Variants in ULK2 observed in about 807,000 individuals in gnomAD.
The protein encoded by ULK2 is serine/threonine-protein kinase ULK2.
A neutral mutation model predicts 127.5 loss-of-function variants in ULK2; 76 were observed. The observed-to-expected ratio is 0.60, with a 90% confidence interval of 0.50 to 0.72. ULK2 has a LOEUF of 0.72. Among genes scored for constraint, ULK2 ranks in the 30% least tolerant of loss-of-function variants. The pLI, the probability that ULK2 is intolerant of heterozygous loss-of-function variation, is 0.00. For missense variants in ULK2, 1,144 were observed against 1,295.9 expected (o/e 0.88, Z 1.80); for synonymous variants, 452 against 461.9 (o/e 0.98, Z 0.28).
chr17:19,822,217 C>T lies in ULK2; in HGVS notation c.924+2877G>A, dbSNP rs374893936. On this transcript the variant is annotated intron_variant, in intron 12 of 26. Transcript: ENST00000395544. ...GCCAGGCAGGTCTCAAACTCCTAAT[C>T]TCAAGCGATCCACCCACCTTGGTCT... Among the ~76,000 whole-genome samples, 40 of 151,980 alleles carry T rather than the reference C, an allele frequency of 2.6e-4. No homozygotes were observed. The South Asian group carries it at 7.9e-3, about 30-fold the overall frequency.
intron 13 of ULK2, among the ~76,000 whole-genome samples, chr17:19,811,943 C>T (rs759670214): frequency 6.6e-6 from 1 of 151,916 alleles, no homozygotes; most frequent in Non-Finnish European, 1.5e-5. Context: ...ATAGAGGCAA[C>T]GGGACAGAAA....
intron 9 of ULK2, 55 bp downstream of exon 9, chr17:19,841,434 A>G: frequency 6.8e-7 from 1 of 1,480,712 alleles, no homozygotes; most frequent in Non-Finnish European, 9.2e-7. Context: ...AAACAGTTCA[A>G]ATAAACAACA....
intron 20 of ULK2, among the ~76,000 whole-genome samples, chr17:19,790,934 G>A (rs1396940051): frequency 6.6e-6 from 1 of 151,998 alleles, no homozygotes; most frequent in Non-Finnish European, 1.5e-5. Flanking sequence ...TAATGACGAA[G>A]GGGTCAATTC....
intron 18 of ULK2, 104 bp downstream of exon 18, chr17:19,797,292 G>A (rs2087292616): frequency 7.8e-7 from 1 of 1,289,594 alleles, no homozygotes; most frequent in Non-Finnish European, 1.0e-6. Flanking sequence ...GCAAGACTCT[G>A]TCTCAAAAAA....
rs2087130246 is a variant in ULK2 at position 19,790,574 on chromosome 17, A to G, written c.2102-4488T>C. Among the ~76,000 whole-genome samples, 4 of 152,186 alleles carry G rather than the reference A, an allele frequency of 2.6e-5. No individual in the cohort carries two copies. The South Asian group carries it at 8.3e-4, about 31-fold the overall frequency. On this transcript the variant is annotated intron_variant, in intron 20 of 26. Transcript: ENST00000395544. ...AAATCACCTTCACTAAAAGCAAGAA[A>G]GAGGGAGGGAAGAAGGAAGGAAGGA...
At chr17:19,835,068 C>T (rs1290657684) in intron 10 of ULK2, among the ~76,000 whole-genome samples, 2 of 151,944 alleles carry the variant, frequency 1.3e-5, no homozygotes, top group African/African-American at 2.4e-5. Flanking sequence ...GACAACAGCA[C>T]AAAGGGAAGA....
At chr17:19,782,143 G>A (rs1597705941) in intron 22 of ULK2, 76 bp from the exon 23 acceptor site, 10 of 1,397,084 alleles carry the variant, frequency 7.2e-6, no homozygotes, top group East Asian at 2.4e-5. Context: ...CATAAACCAT[G>A]GCCGCTGATC....
chr17:19,835,928 C>T (rs1428799995), intron 10 of ULK2, among the ~76,000 whole-genome samples: 2 of 151,624 alleles, frequency 1.3e-5, no homozygotes. Context: ...TCGAGAACAG[C>T]CCTGGCAACA....
At chr17:19,795,422 A>G (rs1311405341) in intron 20 of ULK2, among the ~76,000 whole-genome samples, 200 bp downstream of exon 20, 1 of 151,306 alleles carries the variant, frequency 6.6e-6, no homozygotes, top group South Asian at 2.1e-4. Context: ...GCTGCTCATC[A>G]AGATACTGAA....
At chr17:19,825,025 G>A (rs1322614130) in intron 12 of ULK2, 69 bp downstream of exon 12, 31 of 1,357,222 alleles carry the variant, frequency 2.3e-5, no homozygotes, top group Non-Finnish European at 3.1e-5. Context: ...CAGTGTATGT[G>A]CATGCTCCAT....
At position 19,780,465 on chromosome 17, in the gene ULK2, G is replaced by T; in HGVS notation, c.2916+7C>A. On this transcript the variant is annotated splice_region_variant and intron_variant, in intron 25 of 26. Coordinates refer to ENST00000395544, the MANE Select transcript of ULK2 (RefSeq NM_014683.4). ...ACTATACAATATTAAACCTTAGAAA[G>T]GGTTACCATTTCTACAGCACAATTA... 1 of 1,605,654 alleles carries T rather than the reference G, an allele frequency of 6.2e-7. No homozygotes were observed. The highest frequency in any genetic ancestry group is 1.1e-5 in the South Asian group (1 of 89,090).
chr17:19,811,789 G>A (rs1051404019), intron 13 of ULK2, among the ~76,000 whole-genome samples: 1 of 152,032 alleles, frequency 6.6e-6, no homozygotes, highest in Non-Finnish European at 1.5e-5. Flanking sequence ...TACCCAATGG[G>A]ATTATCCTAA....
Position 19,771,791 on chromosome 17 carries a change from T to C in ULK2, c.*4558A>G, listed in dbSNP as rs205111. Reference sequence around the variant, plus strand: ...GTGGACCACTAAGCTACCTGCCAAATTGAGTTGCAGAAACCCCAAAGGAGG... The same window carrying C: ...GTGGACCACTAAGCTACCTGCCAAACTGAGTTGCAGAAACCCCAAAGGAGG... On this transcript the variant is annotated 3_prime_UTR_variant, in exon 27 of 27. Coordinates refer to ENST00000395544, the MANE Select transcript of ULK2 (RefSeq NM_014683.4). 0.9 allele frequency: 137,760 copies of C among 152,278 alleles called. 62,908 individuals are homozygous for C. The highest frequency in any genetic ancestry group is 0.97 in the Non-Finnish European group (65,910 of 68,068). The allele number at this position is 152,278 out of a possible 1,614,324, so 9.4% of individuals were successfully genotyped here. A position where few individuals can be genotyped will look rare whatever the true frequency, so the allele number is the denominator to read the frequency against.
intron 13 of ULK2, among the ~76,000 whole-genome samples, chr17:19,813,837 G>A (rs1259087188): frequency 2.0e-5 from 3 of 152,118 alleles, no homozygotes; most frequent in Non-Finnish European, 4.4e-5. Flanking sequence ...TCATAATTAG[G>A]TGACTTAATA....
intron 10 of ULK2, among the ~76,000 whole-genome samples, chr17:19,834,496 AT>A (rs2041542420): frequency 6.6e-6 from 1 of 152,034 alleles, no homozygotes; most frequent in South Asian, 2.1e-4. Flanking sequence ...AACTAAAAAA[AT>A]GACACCAAAC....
intron 21 of ULK2, among the ~76,000 whole-genome samples, chr17:19,785,018 ATAACT>A: frequency 6.6e-6 from 1 of 152,270 alleles, no homozygotes; most frequent in East Asian, 1.9e-4. Context: ...TTAGAATAAG[ATAACT>A]TGACTCATGA....
At chr17:19,782,324 C>CT (rs1597706234) in intron 22 of ULK2, among the ~76,000 whole-genome samples, 1 of 152,006 alleles carries the variant, frequency 6.6e-6, no homozygotes, top group East Asian at 1.9e-4. Flanking sequence ...GGTCGCTGTG[C>CT]TTTTACCAGA....
chr17:19,798,758 G>A (rs2087329063), intron 17 of ULK2, among the ~76,000 whole-genome samples: 2 of 152,102 alleles, frequency 1.3e-5, no homozygotes, highest in South Asian at 4.1e-4. Context: ...AACTTATAAA[G>A]TGTCTTTAAC....
In ULK2 at chr17:19,816,882, T is replaced by A. The variant is rs766781699; in HGVS notation, c.963A>T (p.Leu321Phe). The A allele has an allele frequency of 1.2e-6, 2 of 1,609,448 alleles. No homozygotes were observed. Among genetic ancestry groups the A allele is most frequent in the Non-Finnish European group, 1.7e-6 (2 of 1,178,708 alleles). The change falls in exon 13 of 27, where the codon TTA becomes TTT. Residue 321 changes from leucine (L) to phenylalanine (F), a missense_variant. Leu to Phe is a conservative substitution (Grantham distance 22). This residue lies in a region of ULK2 where 913 missense variants were observed against 970.5 expected (regional missense o/e 0.94). Transcript: ENST00000395544. ...TGGGAGGACCCAATGGTGGGGAAGA[T>A]AAGTTTTCTTCCTGAATATGCTGCA... ...PDMQHIQEEN[L>F]SSPPLGPPNY...
Sources: gnomAD v4.1 joint callset for allele counts (sites outside exome capture counted in the v4.1 genomes callset) on GRCh38, gnomAD v4.1.1 for gene constraint, gnomAD v4.1.1 regional missense constraint, MANE v1.5 for transcripts, NCBI Gene and HGNC (gene_info 2026-07-23, HGNC 2026-07-21) for gene names.